Variants in MYOCD observed in about 807,000 individuals in gnomAD.
The protein encoded by MYOCD is myocardin.
In MYOCD, 32 loss-of-function variants were observed where a neutral mutation model predicts 96.1. The observed-to-expected ratio is 0.33, with a 90% CI of 0.25 to 0.45. The LOEUF is 0.45. MYOCD is among the 20% of genes least tolerant of loss of function. MYOCD has a pLI of 1.00. For missense variants in MYOCD, 1,133 were observed against 1,200.6 expected, an observed-to-expected ratio of 0.94 and a Z score of 0.83; for synonymous variants, 469 against 469.0, an observed-to-expected ratio of 1.00 and a Z score of 0.00.
chr17:12,731,464 A>G (rs1334380819), intron 5 of MYOCD, among the ~76,000 whole-genome samples: 1 of 152,138 alleles, frequency 6.6e-6, no homozygotes, highest in African/African-American at 2.4e-5. Context: ...TGGTCTGTTT[A>G]TTTTTGATGA....
chr17:12,756,637 A>C (rs12103689), intron 11 of MYOCD, 80 bp downstream of exon 11: 1 of 1,353,890 alleles, frequency 7.4e-7, no homozygotes, highest in African/African-American at 1.5e-5. Context: ...CAGAAGTTGC[A>C]GTGAGCCGAG....
At chr17:12,687,037 C>T (rs567838055) in intron 1 of MYOCD, among the ~76,000 whole-genome samples, 2 of 152,232 alleles carry the variant, frequency 1.3e-5, no homozygotes, top group Admixed American at 6.5e-5. Flanking sequence ...ATTTTTAGAA[C>T]CAAATCATAA....
chr17:12,682,846 C>T (rs2150643251), intron 1 of MYOCD, among the ~76,000 whole-genome samples: 1 of 152,336 alleles, frequency 6.6e-6, no homozygotes, highest in East Asian at 1.9e-4. Context: ...CCTGGTTGTG[C>T]TGATAGCTTT....
At chr17:12,733,823 G>A (rs1454268563) in intron 5 of MYOCD, among the ~76,000 whole-genome samples, 1 of 148,112 alleles carries the variant, frequency 6.8e-6, no homozygotes, top group Non-Finnish European at 1.5e-5. Context: ...TTGAGATCAT[G>A]TCACTGCACT....
At chr17:12,685,382 A>T (rs1449604888) in intron 1 of MYOCD, among the ~76,000 whole-genome samples, 1 of 152,174 alleles carries the variant, frequency 6.6e-6, no homozygotes, top group Admixed American at 6.5e-5. Context: ...AGGCAGGTGG[A>T]TCACTTGAGG....
At chr17:12,705,252 G>C (rs1327821241) in intron 2 of MYOCD, 59 bp downstream of exon 2, 1 of 1,274,924 alleles carries the variant, frequency 7.8e-7, no homozygotes, top group East Asian at 2.4e-5. Context: ...TTGGGAGCTG[G>C]AAAGTGCCTC....
chr17:12,671,825 A>G (rs757754703), intron 1 of MYOCD: 1 of 152,242 alleles, frequency 6.6e-6, no homozygotes, highest in Non-Finnish European at 1.5e-5. Context: ...ACATGCTTCA[A>G]AAAAGCCAAA....
chr17:12,714,361 A>ACACACACACACACACG, intron 2 of MYOCD, among the ~76,000 whole-genome samples: 1 of 148,258 alleles, frequency 6.7e-6, no homozygotes, highest in Non-Finnish European at 1.5e-5. Flanking sequence ...ACACACACAC[A>ACACACACACACACACG]CCCCGATCTG....
chr17:12,717,284 T>G, intron 3 of MYOCD, 62 bp from the exon 4 acceptor site: 95 of 1,153,042 alleles, frequency 8.2e-5, no homozygotes, highest in Non-Finnish European at 1.1e-4. Context: ...TTTTCTCCTG[T>G]GAGATAAATT....
chr17:12,753,219 A>G lies in MYOCD; in HGVS notation c.1931A>G (p.Lys644Arg). The change falls in exon 10 of 14, where the codon AAA becomes AGA. Residue 644 changes from lysine to arginine, a missense_variant. Coordinates refer to ENST00000425538, the MANE Select transcript of MYOCD (RefSeq NM_001146312.3). ...SPQHSPLGAVKSPQHISLPPS... is the reference protein window; with the variant it reads ...SPQHSPLGAVRSPQHISLPPS... ...CAGCATTCACCGCTGGGGGCTGTGA[A>G]AAGCCCACAGCACATCAGTTTGCCC... is the stretch of plus-strand genomic sequence containing the variant. 9 of 1,614,152 alleles carry G rather than the reference A, an allele frequency of 5.6e-6. No individual in the cohort carries two copies. The highest frequency in any genetic ancestry group is 7.6e-6 in the Non-Finnish European group (9 of 1,180,008).
chr17:12,679,984 T>G (rs1910351519), intron 1 of MYOCD, among the ~76,000 whole-genome samples: 3 of 152,238 alleles, frequency 2.0e-5, no homozygotes, highest in African/African-American at 2.4e-5. Context: ...TTTATACATT[T>G]TTCAAATTTT....
chr17:12,739,381 G>A (rs1333035517), intron 7 of MYOCD, 53 bp downstream of exon 7: 38 of 1,488,994 alleles, frequency 2.6e-5, no homozygotes, highest in Non-Finnish European at 3.1e-5. Flanking sequence ...TCACAGAGCC[G>A]ACTTGGAGCA....
At chr17:12,695,676 AT>A (rs2030709195) in intron 1 of MYOCD, among the ~76,000 whole-genome samples, 1 of 152,090 alleles carries the variant, frequency 6.6e-6, no homozygotes, top group Non-Finnish European at 1.5e-5. Flanking sequence ...GAAAGATACT[AT>A]TTTTTGAATT....
At chr17:12,673,028 A>G (rs1311332804) in intron 1 of MYOCD, among the ~76,000 whole-genome samples, 1 of 151,988 alleles carries the variant, frequency 6.6e-6, no homozygotes, top group Non-Finnish European at 1.5e-5. Context: ...TGGTCAAATA[A>G]CTCCAGGCAA....
intron 5 of MYOCD, among the ~76,000 whole-genome samples, chr17:12,731,474 A>T (rs12453295): frequency 0.019 from 2,828 of 152,284 alleles, 132 homozygotes; most frequent in Admixed American, 0.11. Context: ...ATTTTTGATG[A>T]TGTTAAACTT....
intron 5 of MYOCD, 86 bp from the exon 6 acceptor site, chr17:12,736,075 A>G: frequency 2.8e-6 from 3 of 1,056,270 alleles, no homozygotes; most frequent in Non-Finnish European, 4.2e-6. Flanking sequence ...TGTATTTTTA[A>G]TAGAAATGAC....
chr17:12,714,066 A>C lies in MYOCD; in HGVS notation c.122-1453A>C, dbSNP rs1395367770. On this transcript the variant is annotated intron_variant, in intron 2 of 13. Transcript: ENST00000425538. ...AAAGTGAGAAGGATGCCTGTCAACTATTTTTGGCACAAGGAAGCCAGATGG... is the reference window on the plus strand; with the variant it reads ...AAAGTGAGAAGGATGCCTGTCAACTCTTTTTGGCACAAGGAAGCCAGATGG... 2.6e-5 allele frequency among the ~76,000 whole-genome samples: 4 copies of C among 152,054 alleles called. No individual in the cohort carries two copies. In the East Asian group the frequency reaches 7.7e-4, roughly 29 times the overall value.
intron 5 of MYOCD, among the ~76,000 whole-genome samples, chr17:12,729,873 G>A (rs1597787653): frequency 6.6e-6 from 1 of 152,126 alleles, no homozygotes; most frequent in East Asian, 1.9e-4. Flanking sequence ...GCAACGCAGG[G>A]CAGGTATTTA....
In MYOCD at chr17:12,758,112, G is replaced by C. The variant is rs766976796; in HGVS notation, c.2230G>C (p.Val744Leu). 6.2e-7 allele frequency: 1 copy of C among 1,614,008 alleles called. No homozygotes were observed. The highest frequency in any genetic ancestry group is 8.5e-7 in the Non-Finnish European group (1 of 1,179,960). Reference sequence around the variant, plus strand: ...GGCTGGTTTACACTCTTCTGATAAGGTGGGGCCAAAGTTTTCAATTCCATC... The same window carrying C: ...GGCTGGTTTACACTCTTCTGATAAGCTGGGGCCAAAGTTTTCAATTCCATC... ...KMAGLHSSDK[V>L]GPKFSIPSPT... Residue 744 changes from valine to leucine, a missense_variant, in exon 12 of 14, where the codon GTG becomes CTG. Coordinates refer to ENST00000425538, the MANE Select transcript of MYOCD (RefSeq NM_001146312.3).
Sources: gnomAD v4.1 joint callset for allele counts (sites outside exome capture counted in the v4.1 genomes callset) on GRCh38, gnomAD v4.1.1 for gene constraint, MANE v1.5 for transcripts, NCBI Gene and HGNC (gene_info 2026-07-23, HGNC 2026-07-21) for gene names.